ENOX1: variants seen among roughly 807,000 people sequenced by gnomAD.
ENOX1 encodes ecto-NOX disulfide-thiol exchanger 1.
ENOX1 carries 42 observed loss-of-function variants against 82.5 expected under a neutral mutation model. The observed-to-expected ratio is 0.51, with a 90% CI of 0.40 to 0.66. The LOEUF (loss-of-function observed/expected upper bound fraction) is 0.66. Among genes scored for constraint, ENOX1 ranks in the 30% least tolerant of loss-of-function variants. The probability of loss-of-function intolerance (pLI) is 0.00; values close to 1 mark genes in which losing one functional copy is unlikely to be tolerated. For missense variants in ENOX1, 608 were observed against 811.6 expected, an observed-to-expected ratio of 0.75 and a Z score of 3.05; for synonymous variants, 271 against 282.2, an observed-to-expected ratio of 0.96 and a Z score of 0.40.
intron 1 of ENOX1, among the ~76,000 whole-genome samples, chr13:43,717,616 T>C (rs1479025798): frequency 1.3e-5 from 2 of 152,078 alleles, no homozygotes; most frequent in Non-Finnish European, 2.9e-5. Flanking sequence ...GCCTACAGAA[T>C]GGGAGAAAAT....
At chr13:43,221,675 G>A (rs2041797762) in intron 16 of ENOX1, among the ~76,000 whole-genome samples, 1 of 152,168 alleles carries the variant, frequency 6.6e-6, no homozygotes, top group Admixed American at 6.5e-5. Flanking sequence ...TATTTAACTG[G>A]AAAATAGCTT....
chr13:43,430,068 C>T (rs1324987399), intron 3 of ENOX1, among the ~76,000 whole-genome samples: 3 of 152,214 alleles, frequency 2.0e-5, no homozygotes, highest in Non-Finnish European at 4.4e-5. Flanking sequence ...AGGCTCTCAA[C>T]ATGGAGCCTA....
At chr13:43,575,462 A>G (rs554273271) in intron 2 of ENOX1, among the ~76,000 whole-genome samples, 1 of 152,316 alleles carries the variant, frequency 6.6e-6, no homozygotes, top group African/African-American at 2.4e-5. Context: ...AAATACATCA[A>G]CTACACTCTG....
chr13:43,774,242 A>T (rs1951798446), intron 1 of ENOX1, among the ~76,000 whole-genome samples: 1 of 152,236 alleles, frequency 6.6e-6, no homozygotes. Flanking sequence ...ACTGAAATGG[A>T]TCAAAGACTA....
At chr13:43,309,393 G>A (rs1046938540) in intron 11 of ENOX1, among the ~76,000 whole-genome samples, 1 of 152,100 alleles carries the variant, frequency 6.6e-6, no homozygotes, top group East Asian at 1.9e-4. Flanking sequence ...CTCACTCATA[G>A]AGGTCCCTTT....
At chr13:43,602,316 C>A (rs1354862606) in intron 2 of ENOX1, among the ~76,000 whole-genome samples, 10 of 151,828 alleles carry the variant, frequency 6.6e-5, no homozygotes, top group Non-Finnish European at 1.0e-4. Context: ...ATCAATAGAT[C>A]AATAGAAAAC....
chr13:43,597,957 C>T (rs533253578), intron 2 of ENOX1, among the ~76,000 whole-genome samples: 4 of 152,278 alleles, frequency 2.6e-5, no homozygotes, highest in African/African-American at 9.6e-5. Flanking sequence ...CCTATCCTGC[C>T]CATATTTATG....
chr13:43,624,795 T>C (rs1382697015), intron 2 of ENOX1, among the ~76,000 whole-genome samples: 2 of 152,142 alleles, frequency 1.3e-5, no homozygotes, highest in East Asian at 3.8e-4. Flanking sequence ...TCTTGATTAC[T>C]GTATCTACAT....
At chr13:43,699,269 C>T (rs1012818273) in intron 1 of ENOX1, among the ~76,000 whole-genome samples, 14 of 152,160 alleles carry the variant, frequency 9.2e-5, no homozygotes, top group African/African-American at 2.9e-4. Context: ...CAGATCACTT[C>T]GTTTTTATAC....
chr13:43,333,898 C>T (rs1044147638), intron 9 of ENOX1, among the ~76,000 whole-genome samples: 7 of 152,244 alleles, frequency 4.6e-5, no homozygotes, highest in Non-Finnish European at 1.0e-4. Flanking sequence ...GCTGGGATTA[C>T]AGGCATGAGC....
At chr13:43,454,687 A>G (rs1885887) in intron 3 of ENOX1, among the ~76,000 whole-genome samples, 64,484 of 151,930 alleles carry the variant, frequency 0.42, 14,329 homozygotes, top group Non-Finnish European at 0.5. Context: ...AATATTGTTT[A>G]CTACCAAGAC....
At chr13:43,698,038 G>C (rs1025615995) in intron 1 of ENOX1, among the ~76,000 whole-genome samples, 1 of 152,196 alleles carries the variant, frequency 6.6e-6, no homozygotes, top group Non-Finnish European at 1.5e-5. Context: ...AGATACGGTG[G>C]TGGATACATT....
chr13:43,328,159 C>T (rs1189543347), intron 9 of ENOX1, among the ~76,000 whole-genome samples: 2 of 152,214 alleles, frequency 1.3e-5, no homozygotes, highest in African/African-American at 4.8e-5. Flanking sequence ...TGCTGGCCAT[C>T]AGCTGACCAC....
rs541867025 is a variant in ENOX1 at position 43,359,264 on chromosome 13, G to A, written c.589+587C>T. 2.2e-4 allele frequency among the ~76,000 whole-genome samples: 34 copies of A among 152,296 alleles called. No homozygotes were observed. The South Asian group carries it at 2.3e-3, about 10-fold the overall frequency. On this transcript the variant is annotated intron_variant, in intron 7 of 16. Transcript: ENST00000690772. ...TTCTTGGGTTTGGCAAAGGCCTTGC[G>A]GACAGACTCCATTCACTTGGCCCAA...
chr13:43,507,416 G>A (rs2077213799), intron 2 of ENOX1, among the ~76,000 whole-genome samples: 1 of 151,936 alleles, frequency 6.6e-6, no homozygotes, highest in Non-Finnish European at 1.5e-5. Context: ...AAAAACTGAG[G>A]AGGAAAAAAT....
At chr13:43,763,100 G>A (rs937730030) in intron 1 of ENOX1, among the ~76,000 whole-genome samples, 33 of 152,264 alleles carry the variant, frequency 2.2e-4, no homozygotes, top group Non-Finnish European at 1.9e-4. Flanking sequence ...CTTTTCATCC[G>A]AGGGAAGTTA....
At chr13:43,549,599 C>G (rs529655346) in intron 2 of ENOX1, among the ~76,000 whole-genome samples, 2 of 152,298 alleles carry the variant, frequency 1.3e-5, no homozygotes, top group African/African-American at 4.8e-5. Context: ...CATGACTTTT[C>G]AGATGATGTT....
intron 11 of ENOX1, among the ~76,000 whole-genome samples, chr13:43,299,199 C>A (rs902682535): frequency 6.6e-6 from 1 of 152,160 alleles, no homozygotes; most frequent in South Asian, 2.1e-4. Flanking sequence ...CATTTAGATT[C>A]AGACTTCATT....
rs1489702993 is a variant in ENOX1, at chr13:43,213,517, CTTTT to C, written c.*469_*472del. On this transcript the variant is annotated 3_prime_UTR_variant, in exon 17 of 17. Transcript: ENST00000690772. ...CTTTTCCCTCACTGTAAAACTTTTT[CTTTT>C]TTCTTTTTTTCTTTTTCTTTTTCTT... 1 of 74,180 alleles carries C rather than the reference CTTTT, an allele frequency of 1.3e-5. No individual in the cohort carries two copies. The highest frequency in any genetic ancestry group is 5.2e-4 in the East Asian group (1 of 1,926). The allele number at this position is 74,180 out of a possible 1,614,324, so 4.6% of individuals were successfully genotyped here.
Sources: gnomAD v4.1 joint callset for allele counts (sites outside exome capture counted in the v4.1 genomes callset) on GRCh38, gnomAD v4.1.1 for gene constraint, MANE v1.5 for transcripts, NCBI Gene and HGNC (gene_info 2026-07-23, HGNC 2026-07-21) for gene names.